EBI3: variants seen among roughly 807,000 people sequenced by gnomAD.
The protein encoded by EBI3 is Epstein-Barr virus induced 3.
EBI3 carries 19 observed loss-of-function variants against 21.3 expected under a neutral mutation model. The observed-to-expected ratio is 0.89, with a 90% CI of 0.62 to 1.31. The LOEUF is 1.31. EBI3 is among the 50% of genes most tolerant of loss of function. The pLI is 0.00. For synonymous variants in EBI3, 154 were observed against 131.2 expected (o/e 1.17, Z -1.19); for missense variants, 331 against 314.0 (o/e 1.05, Z -0.41).
rs1970808249 is a variant in EBI3 at position 4,233,301 on chromosome 19, C to T, written c.373C>T (p.His125Tyr). ...SSSFVPFITE[H>Y]IIKPDPPEGV... ...CAGCTTCGTGCCTTTCATAACAGAGCACATCAGTGAGTGGGGGCGGCAGTG... is the reference window on the plus strand; with the variant it reads ...CAGCTTCGTGCCTTTCATAACAGAGTACATCAGTGAGTGGGGGCGGCAGTG... Residue 125 changes from histidine to tyrosine, a missense_variant, in exon 3 of 5, where the codon CAC becomes TAC. By Grantham distance (83) the His-to-Tyr change is moderately conservative. Coordinates refer to ENST00000221847, the MANE Select transcript of EBI3 (RefSeq NM_005755.3). The T allele has an allele frequency of 1.5e-6, 2 of 1,337,360 alleles. No homozygotes were observed. The highest frequency in any genetic ancestry group is 2.1e-6 in the Non-Finnish European group (2 of 969,704). 82.8% of individuals were successfully genotyped at this position (1,337,360 alleles called of 1,614,324 possible). A position where few individuals can be genotyped will look rare whatever the true frequency, so the allele number is the denominator to read the frequency against.
chr19:4,229,537 A>G lies in EBI3; in HGVS notation c.-14A>G. The G allele has an allele frequency of 6.2e-7, 1 of 1,607,932 alleles. No individual in the cohort carries two copies. Among genetic ancestry groups the G allele is most frequent in the Non-Finnish European group, 8.5e-7 (1 of 1,177,522 alleles). On this transcript the variant is annotated 5_prime_UTR_variant, in exon 1 of 5. Coordinates refer to ENST00000221847, the MANE Select transcript of EBI3 (RefSeq NM_005755.3). The stretch of plus-strand genomic sequence containing the variant: ...CGTTCCCACCCACTCCTGAGAGCAG[A>G]GCTGGCCGCAGCCATGACCCCGCAG...
intron 2 of EBI3, 113 bp downstream of exon 2, chr19:4,231,436 C>G (rs1421802890): frequency 2.9e-6 from 4 of 1,374,926 alleles, no homozygotes; most frequent in Non-Finnish European, 2.8e-6. Context: ...ATCCTGAACC[C>G]CAGGCCTATG....
intron 4 of EBI3, among the ~76,000 whole-genome samples, chr19:4,236,543 A>AAAAAAAAAAAAT (rs869283945): frequency 6.7e-6 from 1 of 149,674 alleles, no homozygotes; most frequent in African/African-American, 2.5e-5. Flanking sequence ...AAAAAAAAAA[A>AAAAAAAAAAAAT]GCATGGTTAA....
chr19:4,233,452 C>A, intron 3 of EBI3, 145 bp downstream of exon 3: 2 of 945,142 alleles, frequency 2.1e-6, no homozygotes, highest in Non-Finnish European at 3.1e-6. Context: ...CCTCCTCTAC[C>A]AGTACGTGGA....
At chr19:4,235,388 T>C (rs1244412567) in intron 4 of EBI3, among the ~76,000 whole-genome samples, 4 of 143,654 alleles carry the variant, frequency 2.8e-5, no homozygotes, top group Non-Finnish European at 6.0e-5. Context: ...GGCGCGATCT[T>C]GGCTCGCTGA....
At chr19:4,236,644 G>T (rs901966709) in intron 4 of EBI3, among the ~76,000 whole-genome samples, 2 of 151,888 alleles carry the variant, frequency 1.3e-5, no homozygotes, top group African/African-American at 2.4e-5. Context: ...GGATTATAGG[G>T]ATCAGGGATG....
chr19:4,232,070 CA>C (rs1391868956), intron 2 of EBI3, among the ~76,000 whole-genome samples: 1 of 150,730 alleles, frequency 6.6e-6, no homozygotes, highest in African/African-American at 2.4e-5. Flanking sequence ...ACTAAAAATG[CA>C]AAAATTTGCC....
Position 4,231,192 on chromosome 19 carries a change from G to A in EBI3, c.69G>A (p.Gly23=). 1 of 1,580,594 alleles carries A rather than the reference G, an allele frequency of 6.3e-7. No individual in the cohort carries two copies. Among genetic ancestry groups the A allele is most frequent in the African/African-American group, 1.4e-5 (1 of 72,868 alleles). The change falls in exon 2 of 5, where the codon GGG becomes GGA. Residue 23 remains glycine (G), a splice_region_variant and synonymous_variant. Transcript: ENST00000221847. ...CTCACTCTTTCTGTCTTCCTCCAGG[G>A]CCCCCAGCAGCTCTGACACTGCCCC... ...ASCPPCSGRK[G]PPAALTLPRV...
intron 2 of EBI3, among the ~76,000 whole-genome samples, chr19:4,231,586 G>A (rs1030294770): frequency 9.1e-4 from 137 of 150,108 alleles, no homozygotes; most frequent in African/African-American, 3.2e-3. Flanking sequence ...CTTGGGCAAC[G>A]TAGTGAGACA....
Position 4,234,799 on chromosome 19 carries a change from G to A in EBI3, c.512G>A (p.Arg171His), listed in dbSNP as rs867072305. 50 of 1,613,942 alleles carry A rather than the reference G, an allele frequency of 3.1e-5. No individual in the cohort carries two copies. The highest frequency in any genetic ancestry group is 4.1e-5 in the Non-Finnish European group (48 of 1,180,002). The change falls in exon 4 of 5, where the codon CGT becomes CAT. Residue 171 changes from arginine to histidine, a missense_variant. Physicochemically the swap from Arg to His is conservative, Grantham distance 29. Coordinates refer to ENST00000221847, the MANE Select transcript of EBI3 (RefSeq NM_005755.3). ...CTGAAGTACTGGATCCGTTACAAGC[G>A]TCAGGGAGCTGCGCGCTTCCACCGG... ...FSLKYWIRYK[R>H]QGAARFHRVG...
At chr19:4,233,781 T>C (rs191143668) in intron 3 of EBI3, among the ~76,000 whole-genome samples, 1 of 152,346 alleles carries the variant, frequency 6.6e-6, no homozygotes, top group African/African-American at 2.4e-5. Flanking sequence ...CCAGGGCCTT[T>C]GCATGGGCGG....
intron 2 of EBI3, among the ~76,000 whole-genome samples, chr19:4,232,702 C>A (rs1268952258): frequency 6.6e-6 from 1 of 151,910 alleles, no homozygotes; most frequent in Non-Finnish European, 1.5e-5. Context: ...CCAGCCTGGG[C>A]GCCAGAGGGA....
chr19:4,232,387 G>A lies in EBI3; in HGVS notation c.201-742G>A, dbSNP rs1265895682. Among the ~76,000 whole-genome samples, 4 of 151,326 alleles carry A rather than the reference G, an allele frequency of 2.6e-5. No homozygotes were observed. The Admixed American group carries it at 2.6e-4, about 10-fold the overall frequency. ...ACTTGAGCCCAGGAGTTTGAGACCA[G>A]CCTGGGCAACATAGCAATATCCTGT... is the stretch of plus-strand genomic sequence containing the variant. On this transcript the variant is annotated intron_variant, in intron 2 of 4. Coordinates refer to ENST00000221847, the MANE Select transcript of EBI3 (RefSeq NM_005755.3).
chr19:4,235,758 A>C (rs1261764741), intron 4 of EBI3, among the ~76,000 whole-genome samples: 1 of 151,874 alleles, frequency 6.6e-6, no homozygotes, highest in Non-Finnish European at 1.5e-5. Context: ...TGAGACTCCC[A>C]TCTCTACAAA....
intron 2 of EBI3, 29 bp from the exon 3 acceptor site, chr19:4,233,100 A>G: frequency 1.3e-6 from 2 of 1,538,940 alleles, no homozygotes; most frequent in East Asian, 2.3e-5. Context: ...GCACTCCCTG[A>G]GGCGCTCAGC....
intron 2 of EBI3, 168 bp from the exon 3 acceptor site, chr19:4,232,961 T>C: frequency 1.4e-6 from 1 of 701,108 alleles, no homozygotes; most frequent in Non-Finnish European, 2.2e-6. Context: ...GCCCATGCCC[T>C]GCCCCCGGGG....
intron 1 of EBI3, among the ~76,000 whole-genome samples, chr19:4,230,266 G>A (rs553949162): frequency 1.3e-5 from 2 of 152,264 alleles, no homozygotes; most frequent in South Asian, 2.1e-4. Flanking sequence ...CCATGTCCTT[G>A]AAGACAAAAT....
chr19:4,236,759 C>T (rs1970841869), intron 4 of EBI3, among the ~76,000 whole-genome samples, 177 bp from the exon 5 acceptor site: 6 of 151,968 alleles, frequency 3.9e-5, no homozygotes, highest in Admixed American at 3.9e-4. Context: ...AGACAGAGGC[C>T]GGGATTGGGA....
At chr19:4,229,877 C>T (rs922775175) in intron 1 of EBI3, among the ~76,000 whole-genome samples, 2 of 152,148 alleles carry the variant, frequency 1.3e-5, no homozygotes, top group Non-Finnish European at 1.5e-5. Context: ...ACAGACATAG[C>T]TACACAGACA....
Sources: allele counts gnomAD v4.1 joint callset (sites outside exome capture counted in the v4.1 genomes callset), GRCh38; gene constraint gnomAD v4.1.1; transcripts MANE v1.5; gene names NCBI Gene and HGNC (gene_info 2026-07-23, HGNC 2026-07-21).